The following ATP8B4 variants were observed in gnomAD, a reference collection of about 807,000 sequenced individuals.
The protein encoded by ATP8B4 is probable phospholipid-transporting ATPase IM.
In ATP8B4, 133 loss-of-function variants were observed where a neutral mutation model predicts 145.6. The observed-to-expected ratio is 0.91, with a 90% confidence interval of 0.79 to 1.05. The LOEUF (loss-of-function observed/expected upper bound fraction) is 1.05. Ranked by LOEUF, ATP8B4 falls within the 50% of genes least tolerant of loss-of-function variation. The probability of loss-of-function intolerance (pLI) is 0.00; values close to 1 mark genes in which losing one functional copy is unlikely to be tolerated. For synonymous variants in ATP8B4, 507 were observed against 492.9 expected (o/e 1.03, Z -0.38); for missense variants, 1,458 against 1,425.2 (o/e 1.02, Z -0.37).
chr15:50,090,490 C>G (rs1032982930), intron 2 of ATP8B4, among the ~76,000 whole-genome samples: 2 of 152,120 alleles, frequency 1.3e-5, no homozygotes, highest in Non-Finnish European at 2.9e-5. Flanking sequence ...TCAAAGGGAC[C>G]ACAGAAAGCT....
At position 49,860,375 on chromosome 15, in the gene ATP8B4, G is replaced by GTC; in HGVS notation, c.3397_3398insGA (p.Ala1133GlyfsTer50). 6.2e-7 allele frequency: 1 copy of GTC among 1,614,098 alleles called. No homozygotes were observed. Among genetic ancestry groups the GTC allele is most frequent in the Non-Finnish European group, 8.5e-7 (1 of 1,179,988 alleles). On this transcript the variant is annotated frameshift_variant, in exon 28 of 28. Transcript: ENST00000284509. LOFTEE classifies it high-confidence loss of function. ...AAGCTCTCCATAGCCTTCTTGGTGA[G>GTC]CAAAAGCATATCCAGACCTTCTTGA...
intron 2 of ATP8B4, among the ~76,000 whole-genome samples, chr15:50,089,339 A>C (rs1192447028): frequency 6.6e-6 from 1 of 152,146 alleles, no homozygotes; most frequent in Non-Finnish European, 1.5e-5. Context: ...GAGTGAACAG[A>C]CAGCCTACAG....
chr15:50,112,896 C>T (rs1162521145), intron 1 of ATP8B4, among the ~76,000 whole-genome samples: 1 of 152,128 alleles, frequency 6.6e-6, no homozygotes, highest in Non-Finnish European at 1.5e-5. Context: ...CTTCCCATCC[C>T]AACCCACCAT....
chr15:50,110,540 G>C (rs1029095580), intron 1 of ATP8B4, among the ~76,000 whole-genome samples: 2 of 152,158 alleles, frequency 1.3e-5, no homozygotes, highest in African/African-American at 4.8e-5. Context: ...GAAAGAAAAA[G>C]GTTTGCTAAA....
chr15:50,161,796 C>G (rs2044523066), intron 1 of ATP8B4, among the ~76,000 whole-genome samples: 1 of 151,666 alleles, frequency 6.6e-6, no homozygotes, highest in African/African-American at 2.4e-5. Context: ...GTTTTCACAC[C>G]ACAATTATAG....
At chr15:49,885,947 G>A (rs370088723) in intron 23 of ATP8B4, 2 of 152,168 alleles carry the variant, frequency 1.3e-5, no homozygotes, top group East Asian at 1.9e-4. Flanking sequence ...AGCATGGGAG[G>A]GGGAGTGGGC....
chr15:49,974,285 T>C (rs1599551134), intron 12 of ATP8B4, among the ~76,000 whole-genome samples: 1 of 151,942 alleles, frequency 6.6e-6, no homozygotes, highest in African/African-American at 2.4e-5. Context: ...GTTTCACTAC[T>C]ACTACTCGAA....
At chr15:50,026,470 T>C (rs2050014844) in intron 6 of ATP8B4, among the ~76,000 whole-genome samples, 1 of 152,066 alleles carries the variant, frequency 6.6e-6, no homozygotes, top group African/African-American at 2.4e-5. Context: ...AGACCTCATG[T>C]GCAGAAGTAC....
In ATP8B4 at chr15:49,946,553, G is replaced by A. The variant is rs150619181; in HGVS notation, c.1288-12371C>T. 7.2e-5 allele frequency among the ~76,000 whole-genome samples: 11 copies of A among 151,896 alleles called. No individual in the cohort carries two copies. The East Asian group carries it at 1.7e-3, about 24-fold the overall frequency. ...AGATCATTCAAGCATTTTCCTGTGA[G>A]CTTAAAGTGACCCAAACTCTATTTC... On this transcript the variant is annotated intron_variant, in intron 14 of 27. Coordinates refer to ENST00000284509, the MANE Select transcript of ATP8B4 (RefSeq NM_024837.4).
At chr15:50,096,143 T>G (rs68191015) in intron 2 of ATP8B4, among the ~76,000 whole-genome samples, 28,939 of 152,036 alleles carry the variant, frequency 0.19, 3,188 homozygotes, top group Middle Eastern at 0.31. Context: ...CAGGGGGAAA[T>G]TCCACCACTG....
chr15:50,121,487 A>T (rs55917087), upstream of ATP8B4, among the ~76,000 whole-genome samples: 2 of 151,812 alleles, frequency 1.3e-5, no homozygotes, highest in Non-Finnish European at 2.9e-5. Context: ...TTAAAATGAT[A>T]AATGTCATGT....
intron 6 of ATP8B4, among the ~76,000 whole-genome samples, chr15:50,019,141 C>T (rs566917756): frequency 6.6e-6 from 1 of 152,152 alleles, no homozygotes; most frequent in Non-Finnish European, 1.5e-5. Context: ...AAACCAAATT[C>T]TGTTGAGAAT....
chr15:50,114,725 C>T (rs1007239360), intron 1 of ATP8B4, among the ~76,000 whole-genome samples: 8 of 152,220 alleles, frequency 5.3e-5, no homozygotes, highest in African/African-American at 1.9e-4. Flanking sequence ...GAAAACTAAA[C>T]CAAGCCATCT....
At chr15:49,888,427 A>G (rs561704307) in intron 23 of ATP8B4, among the ~76,000 whole-genome samples, 3 of 140,420 alleles carry the variant, frequency 2.1e-5, no homozygotes, top group Admixed American at 2.1e-4. Flanking sequence ...AGTAGAATTG[A>G]AGAAAAAAAA....
intron 3 of ATP8B4, among the ~76,000 whole-genome samples, chr15:50,049,023 G>C (rs1003155545): frequency 1.3e-5 from 2 of 152,180 alleles, no homozygotes; most frequent in Admixed American, 6.5e-5. Context: ...GACAGGGGCA[G>C]TAATTTGCAG....
chr15:50,016,850 C>A (rs1250838274), intron 6 of ATP8B4, among the ~76,000 whole-genome samples: 1 of 152,144 alleles, frequency 6.6e-6, no homozygotes, highest in Admixed American at 6.5e-5. Flanking sequence ...AGCAAAACAT[C>A]CACTACAAAC....
intron 13 of ATP8B4, among the ~76,000 whole-genome samples, chr15:49,966,470 C>T (rs2044552337): frequency 6.6e-6 from 1 of 152,190 alleles, no homozygotes; most frequent in South Asian, 2.1e-4. Context: ...CTTGAGTAGG[C>T]AGTTTTCCCC....
At chr15:49,893,567 T>C (rs898915754) in intron 23 of ATP8B4, among the ~76,000 whole-genome samples, 1 of 152,140 alleles carries the variant, frequency 6.6e-6, no homozygotes, top group Non-Finnish European at 1.5e-5. Flanking sequence ...ACAAACACTA[T>C]ATGATTCCAT....
rs1319485784 is a variant in ATP8B4, at chr15:49,876,308, G to C, written c.2997C>G (p.Ala999=). 3.1e-6 allele frequency: 5 copies of C among 1,614,060 alleles called. No individual in the cohort carries two copies. The South Asian group carries it at 5.5e-5, about 18-fold the overall frequency. The change falls in exon 25 of 28, where the codon GCC becomes GCG. Residue 999 remains alanine (A), a synonymous_variant. Transcript: ENST00000284509. ...CACTGACCACAATGACCAAAGATGTGGCCATGGTAACTGCAAAGGACTGGT... is the reference window on the plus strand; with the variant it reads ...CACTGACCACAATGACCAAAGATGTCGCCATGGTAACTGCAAAGGACTGGT... ...ADYQSFAVTM[A]TSLVIVVSVQ...
Sources: allele counts gnomAD v4.1 joint callset (sites outside exome capture counted in the v4.1 genomes callset), GRCh38; gene constraint gnomAD v4.1.1; transcripts MANE v1.5; gene names NCBI Gene and HGNC (gene_info 2026-07-23, HGNC 2026-07-21).